Variants in DAPK1 observed in about 807,000 individuals in gnomAD.
DAPK1 encodes the protein death associated protein kinase 1, also known as death-associated protein kinase 1.
Under a neutral mutation model 144.9 loss-of-function variants are expected in DAPK1, and 56 were observed. The observed-to-expected ratio is 0.39, with a 90% CI of 0.31 to 0.48. The LOEUF (loss-of-function observed/expected upper bound fraction) is 0.48. Ranked by LOEUF, DAPK1 falls within the 20% of genes least tolerant of loss-of-function variation. DAPK1 has a pLI of 0.95. For missense variants in DAPK1, 1,454 were observed against 1,875.4 expected (o/e 0.78, Z 4.15); for synonymous variants, 690 against 749.0 (o/e 0.92, Z 1.29).
rs142283466 is a variant in DAPK1 at position 87,617,731 on chromosome 9, C to T, written c.284+12556C>T. Reference sequence around the variant, plus strand: ...GTCTCTAGGTCTCTCTGGAGCCCTACAGTTGCTTCTCCAGTGGCCTACTCG... The same window carrying T: ...GTCTCTAGGTCTCTCTGGAGCCCTATAGTTGCTTCTCCAGTGGCCTACTCG... On this transcript the variant is annotated intron_variant, in intron 3 of 25. Transcript: ENST00000408954. 3.2e-3 allele frequency among the ~76,000 whole-genome samples: 485 copies of T among 152,324 alleles called. 1 individual carries two copies. The highest frequency in any genetic ancestry group is 4.6e-3 in the Non-Finnish European group (310 of 68,032).
At chr9:87,533,078 T>A (rs115905242) in intron 2 of DAPK1, among the ~76,000 whole-genome samples, 2 of 152,216 alleles carry the variant, frequency 1.3e-5, no homozygotes, top group Non-Finnish European at 1.5e-5. Context: ...CAGAATGATA[T>A]AATGTAATTA....
intron 21 of DAPK1, chr9:87,687,015 CA>C (rs1334343573): frequency 5.9e-6 from 1 of 169,676 alleles, no homozygotes; most frequent in African/African-American, 2.4e-5. Flanking sequence ...AATATTTGTA[CA>C]TATTTATGGG....
chr9:87,516,001 C>G (rs1825039583), intron 2 of DAPK1, among the ~76,000 whole-genome samples: 2 of 152,164 alleles, frequency 1.3e-5, no homozygotes, highest in African/African-American at 4.8e-5. Flanking sequence ...TCAGCTGAAT[C>G]CCCAGGGAGA....
At chr9:87,699,770 A>C (rs1482820883) in intron 23 of DAPK1, among the ~76,000 whole-genome samples, 1 of 152,108 alleles carries the variant, frequency 6.6e-6, no homozygotes, top group Non-Finnish European at 1.5e-5. Flanking sequence ...TAGTCCCTCC[A>C]CTTTCCACAG....
In DAPK1 at chr9:87,698,693, C is replaced by T. The variant is rs530923657; in HGVS notation, c.2649C>T (p.Val883=). The T allele has an allele frequency of 1.4e-5, 22 of 1,603,856 alleles. No homozygotes were observed. The highest frequency in any genetic ancestry group is 3.3e-5 in the Admixed American group (2 of 60,000). The part of the protein sequence containing the change: ...GGKLKNPLQV[V]LVATHADIMN... ...AGCTGAAGAACCCACTCCAAGTTGT[C>T]CTGGTGGCCACCCACGCTGACATCA... The change falls in exon 23 of 26, where the codon GTC becomes GTT. Residue 883 remains valine, a synonymous_variant. Transcript: ENST00000408954.
At position 87,499,053 on chromosome 9, in the gene DAPK1, C is replaced by T. The variant is rs767670005; in HGVS notation, c.-25C>T. On this transcript the variant is annotated 5_prime_UTR_variant, in exon 2 of 26. Transcript: ENST00000408954. ...GGAAGCGGAGCTGAAGTGCCCTGGG[C>T]TTTGGTGAGGCGTGACAGTTTATCA... 6.2e-7 allele frequency: 1 copy of T among 1,612,538 alleles called. No homozygotes were observed. The highest frequency in any genetic ancestry group is 8.5e-7 in the Non-Finnish European group (1 of 1,178,824).
intron 19 of DAPK1, among the ~76,000 whole-genome samples, chr9:87,671,514 T>TC (rs1824148670): frequency 6.6e-6 from 1 of 151,708 alleles, no homozygotes; most frequent in Non-Finnish European, 1.5e-5. Flanking sequence ...TCTTTGTTTT[T>TC]TTTTGAGATG....
At chr9:87,668,816 A>G (rs3750537) in intron 19 of DAPK1, 142 bp downstream of exon 19, 31,665 of 675,956 alleles carry the variant, frequency 0.047, 1,028 homozygotes, top group East Asian at 0.13. Context: ...CCTGTGGTTT[A>G]CATGTCAGTC....
At chr9:87,697,609 A>T (rs1825305684) in intron 22 of DAPK1, among the ~76,000 whole-genome samples, 1 of 152,228 alleles carries the variant, frequency 6.6e-6, no homozygotes, top group South Asian at 2.1e-4. Context: ...TAAAGGGTAC[A>T]GAATTAGTCA....
intron 2 of DAPK1, among the ~76,000 whole-genome samples, chr9:87,556,880 C>A (rs1031898510): frequency 1.1e-4 from 17 of 152,182 alleles, no homozygotes; most frequent in Non-Finnish European, 2.1e-4. Flanking sequence ...GCAGGCCAGG[C>A]CTCCTGGGCT....
intron 15 of DAPK1, 122 bp downstream of exon 15, chr9:87,649,001 G>C: frequency 2.4e-6 from 2 of 834,780 alleles, no homozygotes; most frequent in Non-Finnish European, 3.9e-6. Context: ...CCCCTACAGA[G>C]GGCAAGGCTC....
intron 2 of DAPK1, among the ~76,000 whole-genome samples, chr9:87,512,130 T>C (rs996950961): frequency 6.6e-6 from 1 of 152,246 alleles, no homozygotes; most frequent in African/African-American, 2.4e-5. Flanking sequence ...TGATCATAGC[T>C]CACTGCAGCC....
intron 2 of DAPK1, among the ~76,000 whole-genome samples, chr9:87,569,802 A>G (rs530076691): frequency 6.6e-6 from 1 of 152,360 alleles, no homozygotes; most frequent in Admixed American, 6.5e-5. Flanking sequence ...GGTGCCAAAC[A>G]GCTGTAAATG....
intron 3 of DAPK1, among the ~76,000 whole-genome samples, chr9:87,612,513 C>T (rs1828965151): frequency 6.6e-6 from 1 of 152,106 alleles, no homozygotes. Context: ...GACTGCCAGC[C>T]CCCAAAACTA....
At chr9:87,677,539 C>T (rs886275847) in intron 19 of DAPK1, among the ~76,000 whole-genome samples, 3 of 152,206 alleles carry the variant, frequency 2.0e-5, no homozygotes, top group African/African-American at 7.2e-5. Flanking sequence ...AGATTCATGG[C>T]ACAGTTTCTT....
At chr9:87,613,822 C>T (rs1355412089) in intron 3 of DAPK1, among the ~76,000 whole-genome samples, 1 of 152,234 alleles carries the variant, frequency 6.6e-6, no homozygotes, top group Non-Finnish European at 1.5e-5. Flanking sequence ...ATAGCACACA[C>T]TCAGACTTCC....
chr9:87,525,238 C>T (rs1232020035), intron 2 of DAPK1: 8 of 1,188,104 alleles, frequency 6.7e-6, no homozygotes, highest in Admixed American at 1.7e-5. Context: ...CAATGCAGTG[C>T]TTACCTAAAA....
intron 2 of DAPK1, among the ~76,000 whole-genome samples, chr9:87,587,515 G>A (rs1827977013): frequency 6.6e-6 from 1 of 152,116 alleles, no homozygotes; most frequent in Non-Finnish European, 1.5e-5. Flanking sequence ...TCCAAGAGAT[G>A]GAGCAATAAC....
At chr9:87,692,048 CT>C (rs1484604984) in intron 21 of DAPK1, among the ~76,000 whole-genome samples, 2 of 152,084 alleles carry the variant, frequency 1.3e-5, no homozygotes, top group African/African-American at 2.4e-5. Flanking sequence ...AATTTTCTGT[CT>C]GTATAATCTG....
Sources: gnomAD v4.1 joint callset for allele counts (sites outside exome capture counted in the v4.1 genomes callset) on GRCh38, gnomAD v4.1.1 for gene constraint, MANE v1.5 for transcripts, NCBI Gene and HGNC (gene_info 2026-07-23, HGNC 2026-07-21) for gene names.